SHROOM2: variants seen among roughly 807,000 people sequenced by gnomAD.
SHROOM2 encodes shroom family member 2.
In SHROOM2, 33 loss-of-function variants were observed where a neutral mutation model predicts 75.9. The observed-to-expected ratio is 0.43, with a 90% CI of 0.33 to 0.58. The LOEUF (loss-of-function observed/expected upper bound fraction) is 0.58. Among genes scored for constraint, SHROOM2 ranks in the 20% least tolerant of loss-of-function variants. The pLI, the probability that SHROOM2 is intolerant of heterozygous loss-of-function variation, is 0.04. For synonymous variants in SHROOM2, 655 were observed against 663.6 expected, an observed-to-expected ratio of 0.99 and a Z score of 0.20; for missense variants, 1,434 against 1,461.2, an observed-to-expected ratio of 0.98 and a Z score of 0.30.
At chrX:9,945,188 G>C (rs1462432582) in intron 9 of SHROOM2, among the ~76,000 whole-genome samples, 1 of 111,088 alleles carries the variant, frequency 9.0e-6, no homozygotes, top group African/African-American at 3.3e-5. Flanking sequence ...GCTCACTGCA[G>C]CCTCTGCCTC....
At chrX:9,810,253 A>C (rs745904796) in intron 1 of SHROOM2, among the ~76,000 whole-genome samples, 4 of 110,142 alleles carry the variant, frequency 3.6e-5, no homozygotes, top group Non-Finnish European at 7.6e-5. Context: ...GAGTGACCCA[A>C]ACCTTCATTC....
chrX:9,939,912 G>A (rs1295289173), intron 8 of SHROOM2, among the ~76,000 whole-genome samples: 1 of 111,206 alleles, frequency 9.0e-6, no homozygotes, highest in Non-Finnish European at 1.9e-5. Flanking sequence ...TCAGCCCCTC[G>A]AGTAGCTGGG....
At chrX:9,929,824 A>T (rs2084630260) in intron 5 of SHROOM2, among the ~76,000 whole-genome samples, 1 of 111,861 alleles carries the variant, frequency 8.9e-6, no homozygotes, top group Admixed American at 9.5e-5. Context: ...GGAGGGACCC[A>T]GGGGGAAGTA....
At chrX:9,795,955 A>G (rs1419219697) in intron 1 of SHROOM2, among the ~76,000 whole-genome samples, 1 of 110,970 alleles carries the variant, frequency 9.0e-6, no homozygotes, top group Non-Finnish European at 1.9e-5. Context: ...CAGAGGAGGC[A>G]GTGCTTGCTT....
intron 5 of SHROOM2, among the ~76,000 whole-genome samples, chrX:9,905,680 C>T (rs2147026310): frequency 8.8e-6 from 1 of 113,028 alleles, no homozygotes; most frequent in Admixed American, 9.3e-5. Flanking sequence ...TTTGTGTGTT[C>T]GTTTCCATAC....
chrX:9,897,579 A>G (rs1194193941), intron 4 of SHROOM2, among the ~76,000 whole-genome samples: 1 of 72,742 alleles, frequency 1.4e-5, no homozygotes, highest in African/African-American at 4.9e-5. Flanking sequence ...AGAAAAAAAA[A>G]ACTTAAGACA....
rs868258950 is a variant in SHROOM2 at position 9,875,110 on chromosome X, A to G, written c.317+1307A>G. On this transcript the variant is annotated intron_variant, in intron 2 of 9. Transcript: ENST00000380913. ...AAAAAAAAAAAAAAAAAAAAAAAAA[A>G]GGGGAGGAAGGAAAAACATTTTTTG... Among the ~76,000 whole-genome samples the G allele has an allele frequency of 9.9e-3, 921 of 93,106 alleles. 33 individuals carry two copies. Among genetic ancestry groups the G allele is most frequent in the African/African-American group, 0.036 (876 of 24,474 alleles). 80.9% of individuals were successfully genotyped at this position (93,106 alleles called of 115,157 possible).
intron 1 of SHROOM2, among the ~76,000 whole-genome samples, chrX:9,807,613 C>T (rs1169753767): frequency 1.8e-5 from 2 of 112,511 alleles, no homozygotes; most frequent in African/African-American, 6.5e-5. Flanking sequence ...ATGCTGCCTG[C>T]TGGTCTAGGC....
chrX:9,937,174 G>C lies in SHROOM2; in HGVS notation c.3628G>C (p.Val1210Leu), dbSNP rs1359444251. 1.7e-6 allele frequency: 2 copies of C among 1,202,786 alleles called. No individual in the cohort carries two copies. The highest frequency in any genetic ancestry group is 1.8e-5 in the South Asian group (1 of 55,391). The change falls in exon 7 of 10, where the codon GTG (valine) becomes CTG (leucine). Residue 1210 changes from valine (V) to leucine (L), a missense_variant. Physicochemically the swap from Val to Leu is conservative, Grantham distance 32 (BLOSUM62 1). Around this residue, in one of 3 missense-constraint regions of SHROOM2, gnomAD observed 1,340 missense variants for 1,338.3 expected, o/e 1.00. Coordinates refer to ENST00000380913, the MANE Select transcript of SHROOM2 (RefSeq NM_001649.4). ...VMDNNTTVKM[V>L]PIKIVHSESQ... ...GGACAACAACACCACGGTGAAGATG[G>C]TGCCCATCAAGATCGTGCACTCGGA...
intron 1 of SHROOM2, among the ~76,000 whole-genome samples, chrX:9,812,340 G>A (rs2083796102): frequency 9.0e-6 from 1 of 111,646 alleles, no homozygotes; most frequent in Non-Finnish European, 1.9e-5. Context: ...TCCAGTTCTG[G>A]ACCCCATTCA....
At chrX:9,918,062 GT>G (rs1447843030) in intron 5 of SHROOM2, among the ~76,000 whole-genome samples, 3 of 111,632 alleles carry the variant, frequency 2.7e-5, no homozygotes, top group Admixed American at 1.9e-4. Flanking sequence ...AAGGGGTTTT[GT>G]TTGTCTGTTT....
intron 1 of SHROOM2, among the ~76,000 whole-genome samples, chrX:9,864,006 C>G (rs901735150): frequency 9.0e-6 from 1 of 111,052 alleles, no homozygotes; most frequent in Admixed American, 9.6e-5. Flanking sequence ...CTTAAAAGGC[C>G]AGGAATTAGG....
intron 7 of SHROOM2, 122 bp downstream of exon 7, chrX:9,937,807 A>G: frequency 1.6e-6 from 1 of 629,902 alleles, no homozygotes; most frequent in Non-Finnish European, 2.4e-6. Flanking sequence ...GGTTTTCATA[A>G]GGGCTCCTCG....
chrX:9,910,893 G>A (rs1260488179), intron 5 of SHROOM2, among the ~76,000 whole-genome samples: 2 of 109,672 alleles, frequency 1.8e-5, no homozygotes, highest in Admixed American at 1.9e-4. Flanking sequence ...ATGTTGCCCA[G>A]GCTGGTCTCC....
intron 1 of SHROOM2, among the ~76,000 whole-genome samples, chrX:9,829,719 C>G (rs2054514016): frequency 8.9e-6 from 1 of 112,206 alleles, no homozygotes; most frequent in African/African-American, 3.2e-5. Context: ...GAAGGTATTT[C>G]TAAGCCAGAA....
chrX:9,833,109 G>A (rs2083924738), intron 1 of SHROOM2, among the ~76,000 whole-genome samples: 1 of 111,229 alleles, frequency 9.0e-6, no homozygotes, highest in Non-Finnish European at 1.9e-5. Flanking sequence ...CTGGGACTCT[G>A]TTGACTAGGA....
chrX:9,841,207 CG>C (rs2083977707), intron 1 of SHROOM2, among the ~76,000 whole-genome samples: 1 of 111,933 alleles, frequency 8.9e-6, no homozygotes, highest in Non-Finnish European at 1.9e-5. Flanking sequence ...CCTTCCGCCT[CG>C]GCCTCCCAAA....
intron 5 of SHROOM2, among the ~76,000 whole-genome samples, chrX:9,905,325 C>T (rs754095756): frequency 1.8e-5 from 2 of 113,193 alleles, no homozygotes; most frequent in Non-Finnish European, 3.7e-5. Flanking sequence ...ACCTCCTTCT[C>T]AATATAAATA....
chrX:9,823,229 C>T (rs1457324709), intron 1 of SHROOM2, among the ~76,000 whole-genome samples: 5 of 84,932 alleles, frequency 5.9e-5, no homozygotes, highest in South Asian at 5.6e-4. Context: ...TCCTCCTCCT[C>T]CTCCTTCTTC....
Sources: allele counts gnomAD v4.1 joint callset (sites outside exome capture counted in the v4.1 genomes callset), GRCh38; gene constraint gnomAD v4.1.1; regional missense constraint gnomAD v4.1.1; transcripts MANE v1.5; gene names NCBI Gene and HGNC (gene_info 2026-07-23, HGNC 2026-07-21).